Variants in DPH6 observed in about 807,000 individuals in gnomAD.
DPH6 encodes diphthine--ammonia ligase.
DPH6 carries 33 observed loss-of-function variants against 38.2 expected under a neutral mutation model. The ratio of observed to expected loss-of-function variants is 0.86; its 90% CI spans 0.65 to 1.15. The LOEUF is 1.15. DPH6 is among the 50% of genes most tolerant of loss of function. DPH6 has a pLI of 0.00. For synonymous variants in DPH6, 108 were observed against 103.0 expected (o/e 1.05, Z -0.30); for missense variants, 325 against 320.0 (o/e 1.02, Z -0.12).
intron 3 of DPH6, among the ~76,000 whole-genome samples, chr15:35,505,572 A>T (rs1016838645): frequency 5.9e-5 from 9 of 152,028 alleles, no homozygotes; most frequent in Non-Finnish European, 1.2e-4. Context: ...TAATAATATG[A>T]GTGGCCTTGA....
chr15:35,524,388 C>G (rs1005687713), intron 3 of DPH6, among the ~76,000 whole-genome samples: 2 of 152,128 alleles, frequency 1.3e-5, no homozygotes, highest in African/African-American at 4.8e-5. Context: ...CAGACACAGA[C>G]AGATCACTTT....
chr15:35,324,067 G>A (rs1252836575), intron 3 of DPH6, among the ~76,000 whole-genome samples: 1 of 152,110 alleles, frequency 6.6e-6, no homozygotes, highest in Non-Finnish European at 1.5e-5. Context: ...ATGTAAATTT[G>A]ACCTTGTTAA....
chr15:35,472,678 A>C (rs888697371), intron 3 of DPH6, among the ~76,000 whole-genome samples: 1 of 152,232 alleles, frequency 6.6e-6, no homozygotes, highest in Non-Finnish European at 1.5e-5. Context: ...ATTGAAAGAT[A>C]AAATAAAATA....
intron 3 of DPH6, among the ~76,000 whole-genome samples, chr15:35,256,441 G>A (rs1188108993): frequency 6.6e-6 from 1 of 152,074 alleles, no homozygotes; most frequent in Non-Finnish European, 1.5e-5. Flanking sequence ...TGGATTTTTG[G>A]AAGGAAGACC....
At position 35,273,154 on chromosome 15, in the gene DPH6, AT is replaced by A. The variant is rs1291787469; in HGVS notation, n.201-52573del. The stretch of plus-strand genomic sequence containing the variant: ...ATTTCTTTAAAATTAAAAAAAAAAA[AT>A]TTAATTTCCATAGGTTACTGGGGAA... On this transcript the variant is annotated intron_variant and non_coding_transcript_variant, in intron 3 of 3. Coordinates refer to the DPH6 transcript ENST00000560386. 2.6e-5 allele frequency among the ~76,000 whole-genome samples: 4 copies of A among 152,070 alleles called. No homozygotes were observed. The East Asian group carries it at 7.7e-4, about 29-fold the overall frequency.
rs1056977669 is a variant in DPH6 at position 35,543,114 on chromosome 15, C to T, written c.24-607G>A. 1.6e-4 allele frequency among the ~76,000 whole-genome samples: 23 copies of T among 147,154 alleles called. 1 individual carries two copies. Among genetic ancestry groups the T allele is most frequent in the Admixed American group, 6.1e-4 (9 of 14,768 alleles). Reference sequence around the variant, plus strand: ...TCAAATTAAAGATTTGAGTACCTAGCTAATGACAAAGTTTGACACACTTGG... The same window carrying T: ...TCAAATTAAAGATTTGAGTACCTAGTTAATGACAAAGTTTGACACACTTGG... On this transcript the variant is annotated intron_variant, in intron 1 of 8. Coordinates refer to ENST00000256538, the MANE Select transcript of DPH6 (RefSeq NM_080650.4).
At chr15:35,242,099 C>T (rs1595442980) in intron 3 of DPH6, among the ~76,000 whole-genome samples, 1 of 144,802 alleles carries the variant, frequency 6.9e-6, no homozygotes, top group African/African-American at 2.5e-5. Flanking sequence ...GACCCTGACA[C>T]CCATCAGGCT....
chr15:35,538,119 T>C lies in DPH6; in HGVS notation c.312+155A>G, dbSNP rs568642138. The C allele has an allele frequency of 4.0e-5, 20 of 506,254 alleles. No individual in the cohort carries two copies. The East Asian group carries it at 4.8e-4, about 12-fold the overall frequency. 31.4% of individuals were successfully genotyped at this position (506,254 alleles called of 1,614,324 possible). A position where few individuals can be genotyped will look rare whatever the true frequency, so the allele number is the denominator to read the frequency against. ...TTTAATATAAAGGCATACTAATCAT[T>C]TGCAGTTTTTTTCTAACCAAAAAAA... On this transcript the variant is annotated intron_variant, in intron 3 of 8. Coordinates refer to ENST00000256538, the MANE Select transcript of DPH6 (RefSeq NM_080650.4).
chr15:35,442,281 C>T (rs933301541), intron 5 of DPH6, among the ~76,000 whole-genome samples: 2 of 152,080 alleles, frequency 1.3e-5, no homozygotes. Context: ...AGAAGATGGT[C>T]AACATCATTA....
intron 6 of DPH6, among the ~76,000 whole-genome samples, chr15:35,393,562 G>A (rs1210564103): frequency 1.3e-5 from 2 of 152,140 alleles, no homozygotes; most frequent in African/African-American, 4.8e-5. Context: ...AACTCAGCAA[G>A]GCCAATTAGT....
chr15:35,273,951 A>C lies in DPH6; in HGVS notation n.201-53369T>G, dbSNP rs374608430. On this transcript the variant is annotated intron_variant and non_coding_transcript_variant, in intron 3 of 3. Coordinates refer to the DPH6 transcript ENST00000560386. ...AAAAAAGAGTCCGTATAGCCAAGAC[A>C]ATCCTAAGCAAAAAGAACAAAGCTG... Among the ~76,000 whole-genome samples the C allele has an allele frequency of 1.4e-4, 22 of 152,354 alleles. 4 individuals carry two copies. The highest frequency in any genetic ancestry group is 7.7e-4 in the East Asian group (4 of 5,194).
the DPH6 span, among the ~76,000 whole-genome samples, chr15:35,200,107 C>T: frequency 3.7e-4 from 56 of 152,066 alleles, no homozygotes; most frequent in African/African-American, 1.2e-3. Flanking sequence ...AAGAAATTGG[C>T]TTGGGTTCTC....
At chr15:35,207,026 A>G in the DPH6 span, among the ~76,000 whole-genome samples, 1 of 141,376 alleles carries the variant, frequency 7.1e-6, no homozygotes. Context: ...CTGTCAAATC[A>G]ATTTAGTAAA....
chr15:35,391,169 C>A (rs2140958383), intron 6 of DPH6, among the ~76,000 whole-genome samples: 1 of 152,278 alleles, frequency 6.6e-6, no homozygotes, highest in South Asian at 2.1e-4. Context: ...TATTGGAGAG[C>A]CACAAATGCT....
chr15:35,450,139 T>C (rs1331584125), intron 5 of DPH6, among the ~76,000 whole-genome samples: 2 of 152,150 alleles, frequency 1.3e-5, no homozygotes, highest in Non-Finnish European at 2.9e-5. Flanking sequence ...GCTGTGTCTA[T>C]GCTAACTAAT....
chr15:35,427,144 T>G lies in DPH6; in HGVS notation c.506-16248A>C, dbSNP rs1447826032. ...AAGAGGATGTGAGGTTTAGAGGATG[T>G]AAGAAGCAGAGAAGTTTAGTTTAGT... On this transcript the variant is annotated intron_variant, in intron 5 of 8. Coordinates refer to ENST00000256538, the MANE Select transcript of DPH6 (RefSeq NM_080650.4). 2.0e-5 allele frequency among the ~76,000 whole-genome samples: 3 copies of G among 151,848 alleles called. No homozygotes were observed. In the East Asian group the frequency reaches 5.8e-4, roughly 29 times the overall value.
chr15:35,259,390 G>A (rs750043484), intron 3 of DPH6, among the ~76,000 whole-genome samples: 7 of 152,100 alleles, frequency 4.6e-5, no homozygotes, highest in Non-Finnish European at 8.8e-5. Flanking sequence ...ACTTCCTCCT[G>A]GGAGCAGCTG....
At chr15:35,198,918 T>C in the DPH6 span, among the ~76,000 whole-genome samples, 4 of 152,010 alleles carry the variant, frequency 2.6e-5, no homozygotes, top group Non-Finnish European at 5.9e-5. Context: ...TGTTGTCTTC[T>C]TCTTTTTTTT....
intron 5 of DPH6, among the ~76,000 whole-genome samples, chr15:35,449,537 G>C (rs529568483): frequency 2.0e-5 from 3 of 152,010 alleles, no homozygotes; most frequent in Non-Finnish European, 4.4e-5. Context: ...CTTCATTATG[G>C]AATTATGTAA....
Sources: allele counts gnomAD v4.1 joint callset (sites outside exome capture counted in the v4.1 genomes callset), GRCh38; gene constraint gnomAD v4.1.1; transcripts MANE v1.5; gene names NCBI Gene and HGNC (gene_info 2026-07-23, HGNC 2026-07-21).